PIGP: variants seen among roughly 807,000 people sequenced by gnomAD.
PIGP encodes phosphatidylinositol N-acetylglucosaminyltransferase subunit P.
PIGP carries 12 observed loss-of-function variants against 16.9 expected under a neutral mutation model. The ratio of observed to expected loss-of-function variants is 0.71; its 90% CI spans 0.46 to 1.15. The LOEUF (loss-of-function observed/expected upper bound fraction) is 1.15, where lower values mean the gene tolerates loss of function less well. Among genes scored for constraint, PIGP ranks in the 50% most tolerant of loss-of-function variants. PIGP has a pLI of 0.00. For missense variants in PIGP, 159 were observed against 153.5 expected (o/e 1.04, Z -0.19); for synonymous variants, 57 against 54.7 (o/e 1.04, Z -0.18).
chr21:37,069,395 G>T, intron 3 of PIGP, 157 bp downstream of exon 3: 3 of 446,144 alleles, frequency 6.7e-6, no homozygotes, highest in East Asian at 3.4e-5. Context: ...AATTAGAGAT[G>T]TATCAATAGC....
At chr21:37,069,964 T>C (rs987422181) in intron 2 of PIGP, among the ~76,000 whole-genome samples, 1 of 152,158 alleles carries the variant, frequency 6.6e-6, no homozygotes, top group Admixed American at 6.5e-5. Flanking sequence ...CCCCACAAGG[T>C]TGAAGTAATT....
intron 4 of PIGP, among the ~76,000 whole-genome samples, chr21:37,066,039 C>A (rs1384718156): frequency 6.6e-6 from 1 of 151,572 alleles, no homozygotes; most frequent in Non-Finnish European, 1.5e-5. Context: ...GCCGAGATTG[C>A]GCCATTGCAC....
At chr21:37,067,725 A>G (rs370348563) in intron 3 of PIGP, among the ~76,000 whole-genome samples, 25 of 152,210 alleles carry the variant, frequency 1.6e-4, no homozygotes, top group Non-Finnish European at 2.8e-4. Context: ...ATAAGGAATT[A>G]ACCTCCTCCT....
intron 2 of PIGP, 154 bp downstream of exon 2, chr21:37,072,280 A>G (rs2070114208): frequency 4.4e-6 from 7 of 1,608,014 alleles, no homozygotes; most frequent in Non-Finnish European, 5.9e-6. Flanking sequence ...CACACGGAAC[A>G]CTCAGCAAAC....
intron 2 of PIGP, among the ~76,000 whole-genome samples, chr21:37,071,698 C>T (rs1232532633): frequency 2.6e-5 from 4 of 152,148 alleles, no homozygotes; most frequent in African/African-American, 7.2e-5. Flanking sequence ...CGTTGGATCA[C>T]GGGCACTCAA....
chr21:37,069,596 A>C lies in PIGP; in HGVS notation c.111T>G (p.Pro37=), dbSNP rs1025041839. 23 of 1,570,258 alleles carry C rather than the reference A, an allele frequency of 1.5e-5. No homozygotes were observed. Among genetic ancestry groups the C allele is most frequent in the Non-Finnish European group, 1.9e-5 (22 of 1,154,628 alleles). Residue 37 remains proline, a synonymous_variant, in exon 3 of 5, where the codon CCT becomes CCG. Coordinates refer to ENST00000360525, the MANE Select transcript of PIGP (RefSeq NM_153682.3). ...AACCTAAAGAGTTTAGCCAAGATTC[A>C]GGAATAAAGGCCCACACGAGGTAAA... ...FILYLVWAFI[P]ESWLNSLGLT...
chr21:37,069,406 G>C, intron 3 of PIGP, 146 bp downstream of exon 3: 2 of 480,376 alleles, frequency 4.2e-6, no homozygotes, highest in South Asian at 9.0e-5. Context: ...TATCAATAGC[G>C]ATCTTTAAAA....
chr21:37,071,690 T>C (rs2070047521), intron 2 of PIGP, among the ~76,000 whole-genome samples: 1 of 152,198 alleles, frequency 6.6e-6, no homozygotes, highest in Non-Finnish European at 1.5e-5. Flanking sequence ...TTGCAGAACG[T>C]TGGATCACGG....
intron 2 of PIGP, chr21:37,072,108 T>C (rs751199380): frequency 1.1e-6 from 1 of 885,642 alleles, no homozygotes; most frequent in Non-Finnish European, 1.9e-6. Context: ...CCGTGCTCCC[T>C]GACACTCATC....
intron 2 of PIGP, chr21:37,072,067 G>A: frequency 1.3e-6 from 1 of 793,562 alleles, no homozygotes; most frequent in South Asian, 1.3e-5. Flanking sequence ...AGAAAGCCTT[G>A]ACTTTCCAGT....
In PIGP at chr21:37,065,716, T is replaced by C. The variant is rs1285198287; in HGVS notation, c.275-4A>G. ...TGTTGATTTTTTGCATAGTTATCTG[T>C]AAGAAAAGACCAAAAAGCTCTGTTT... On this transcript the variant is annotated splice_polypyrimidine_tract_variant and splice_region_variant and intron_variant, in intron 4 of 4. Coordinates refer to ENST00000360525, the MANE Select transcript of PIGP (RefSeq NM_153682.3). 6.2e-7 allele frequency: 1 copy of C among 1,611,926 alleles called. No homozygotes were observed. The highest frequency in any genetic ancestry group is 1.3e-5 in the African/African-American group (1 of 74,830).
At chr21:37,068,873 T>C (rs1426195476) in intron 3 of PIGP, among the ~76,000 whole-genome samples, 1 of 152,218 alleles carries the variant, frequency 6.6e-6, no homozygotes, top group Non-Finnish European at 1.5e-5. Flanking sequence ...TTAAGCCATG[T>C]AGATTTTCAC....
chr21:37,072,104 T>C (rs1245273641), intron 2 of PIGP: 6 of 862,552 alleles, frequency 7.0e-6, no homozygotes, highest in Non-Finnish European at 1.2e-5. Flanking sequence ...TCCACCGTGC[T>C]CCCTGACACT....
chr21:37,070,236 G>A (rs962011330), intron 2 of PIGP, among the ~76,000 whole-genome samples: 2 of 152,208 alleles, frequency 1.3e-5, no homozygotes, highest in African/African-American at 4.8e-5. Flanking sequence ...TTTAAATGAT[G>A]AGGAAATGGA....
chr21:37,066,925 T>C (rs899852492), intron 4 of PIGP, among the ~76,000 whole-genome samples: 1 of 152,144 alleles, frequency 6.6e-6, no homozygotes, highest in Non-Finnish European at 1.5e-5. Flanking sequence ...TATTTCCTTT[T>C]ATATAAGTTT....
At chr21:37,066,457 T>TA (rs1236123812) in intron 4 of PIGP, among the ~76,000 whole-genome samples, 1 of 152,244 alleles carries the variant, frequency 6.6e-6, no homozygotes, top group Non-Finnish European at 1.5e-5. Flanking sequence ...TAGAGGCTAA[T>TA]ATATAAAGGT....
chr21:37,072,256 T>G, intron 2 of PIGP, 178 bp downstream of exon 2: 1 of 1,611,138 alleles, frequency 6.2e-7, no homozygotes, highest in Non-Finnish European at 8.5e-7. Flanking sequence ...TAAAACCTCC[T>G]AGGCTAGTGC....
At chr21:37,067,102 G>A (rs994888171) in intron 4 of PIGP, among the ~76,000 whole-genome samples, 160 bp downstream of exon 4, 8 of 151,868 alleles carry the variant, frequency 5.3e-5, no homozygotes, top group African/African-American at 1.9e-4. Context: ...TGCCTCCTGG[G>A]TTCAAGTGAT....
intron 3 of PIGP, among the ~76,000 whole-genome samples, chr21:37,068,915 T>C (rs1251156490): frequency 6.6e-6 from 1 of 152,162 alleles, no homozygotes; most frequent in African/African-American, 2.4e-5. Flanking sequence ...GATGCCGCAT[T>C]CCCACACTCA....
Sources: allele counts gnomAD v4.1 joint callset (sites outside exome capture counted in the v4.1 genomes callset), GRCh38; gene constraint gnomAD v4.1.1; transcripts MANE v1.5; gene names NCBI Gene and HGNC (gene_info 2026-07-23, HGNC 2026-07-21).